Variants in OSBPL6 observed in about 807,000 individuals in gnomAD.
The protein encoded by OSBPL6 is oxysterol-binding protein-related protein 6.
A neutral mutation model predicts 125.8 loss-of-function variants in OSBPL6; 49 were observed. That is an observed-to-expected ratio of 0.39 (90% CI 0.31 to 0.49). The LOEUF is 0.49. Ranked by LOEUF, OSBPL6 falls within the 20% of genes least tolerant of loss-of-function variation. The probability of loss-of-function intolerance (pLI) is 0.88; values close to 1 mark genes in which losing one functional copy is unlikely to be tolerated. For synonymous variants in OSBPL6, 394 were observed against 391.8 expected, an observed-to-expected ratio of 1.01 and a Z score of -0.07; for missense variants, 986 against 1,135.4, an observed-to-expected ratio of 0.87 and a Z score of 1.89.
intron 2 of OSBPL6, among the ~76,000 whole-genome samples, chr2:178,301,790 C>T (rs1326325285): frequency 6.6e-6 from 1 of 152,132 alleles, no homozygotes; most frequent in African/African-American, 2.4e-5. Context: ...TGCAATGGCT[C>T]TTTGCCCTGC....
chr2:178,337,726 C>T (rs1478305671), intron 9 of OSBPL6, among the ~76,000 whole-genome samples: 1 of 152,128 alleles, frequency 6.6e-6, no homozygotes, highest in Non-Finnish European at 1.5e-5. Context: ...GTTTTGAGTC[C>T]TTGGCCTTAA....
chr2:178,302,500 G>A (rs1240110687), intron 2 of OSBPL6, among the ~76,000 whole-genome samples: 1 of 152,034 alleles, frequency 6.6e-6, no homozygotes, highest in Non-Finnish European at 1.5e-5. Context: ...AAAAGAGCAG[G>A]TGGTCAAACA....
rs750828819 is a variant in OSBPL6 at position 178,395,439 on chromosome 2, A to T, written c.2697-12A>T. The T allele has an allele frequency of 1.3e-6, 2 of 1,592,508 alleles. No individual in the cohort carries two copies. Among genetic ancestry groups the T allele is most frequent in the Non-Finnish European group, 1.7e-6 (2 of 1,160,988 alleles). ...TGATTCATGACTAATGTTGATGTTT[A>T]TATTTTCACAGAAAAGTTATTGATG... On this transcript the variant is annotated splice_polypyrimidine_tract_variant and intron_variant, in intron 24 of 24. Transcript: ENST00000190611.
chr2:178,266,157 G>C (rs1007469856), intron 1 of OSBPL6, among the ~76,000 whole-genome samples: 4 of 152,186 alleles, frequency 2.6e-5, no homozygotes, highest in Non-Finnish European at 4.4e-5. Context: ...GGCAAGGAAG[G>C]AAGCAGGGGC....
chr2:178,239,862 C>T lies in OSBPL6; in HGVS notation c.-350-45065C>T, dbSNP rs563190363. ...CAGGATGGTCTCGATTTCCTGACCT[C>T]GTGATCCACCCGCCTCGGCCTCTGA... is the stretch of plus-strand genomic sequence containing the variant. On this transcript the variant is annotated intron_variant, in intron 1 of 24. Coordinates refer to ENST00000190611, the MANE Select transcript of OSBPL6 (RefSeq NM_032523.4). 1.2e-3 allele frequency among the ~76,000 whole-genome samples: 176 copies of T among 151,778 alleles called. 1 individual carries two copies. The highest frequency in any genetic ancestry group is 4.2e-3 in the African/African-American group (175 of 41,396).
chr2:178,284,899 C>T, intron 1 of OSBPL6, 28 bp from the exon 2 acceptor site: 1 of 396,652 alleles, frequency 2.5e-6, no homozygotes. Flanking sequence ...TAAAGATGTA[C>T]TATATGACTG....
intron 2 of OSBPL6, among the ~76,000 whole-genome samples, chr2:178,302,403 ATGACT>A (rs1332824690): frequency 1.3e-5 from 2 of 152,142 alleles, no homozygotes; most frequent in Non-Finnish European, 2.9e-5. Flanking sequence ...TTTCGTAGAG[ATGACT>A]TTTTTTTATG....
At chr2:178,278,114 C>G (rs1415735212) in intron 1 of OSBPL6, among the ~76,000 whole-genome samples, 2 of 152,150 alleles carry the variant, frequency 1.3e-5, no homozygotes, top group African/African-American at 4.8e-5. Context: ...TTTGAAATGT[C>G]CTTTATTCAT....
In OSBPL6 at chr2:178,343,520, AAG is replaced by A. The variant is rs1226447822; in HGVS notation, c.987+3758_987+3759del. ...CACCAAGAAGAAGAAAACAAAATGAAAGAAAGCTGTAGGATTCTTCTACCGGT... is the reference window on the plus strand; with the variant it reads ...CACCAAGAAGAAGAAAACAAAATGAAAAAGCTGTAGGATTCTTCTACCGGT... On this transcript the variant is annotated intron_variant, in intron 11 of 24. Transcript: ENST00000190611. 2.0e-5 allele frequency among the ~76,000 whole-genome samples: 3 copies of A among 152,302 alleles called. No homozygotes were observed. In the East Asian group the frequency reaches 5.8e-4, roughly 29 times the overall value.
chr2:178,298,415 A>G (rs1281379294), intron 2 of OSBPL6, among the ~76,000 whole-genome samples: 2 of 152,098 alleles, frequency 1.3e-5, no homozygotes, highest in East Asian at 3.9e-4. Flanking sequence ...TCATATGGCA[A>G]TCTATTTTTA....
intron 1 of OSBPL6, among the ~76,000 whole-genome samples, chr2:178,269,997 G>A (rs2092339790): frequency 6.6e-6 from 1 of 152,170 alleles, no homozygotes; most frequent in South Asian, 2.1e-4. Flanking sequence ...TGTCAGGCAG[G>A]GCGGACGATA....
intron 9 of OSBPL6, among the ~76,000 whole-genome samples, chr2:178,337,940 C>T (rs1232673990): frequency 1.6e-5 from 2 of 124,522 alleles, no homozygotes; most frequent in Non-Finnish European, 3.4e-5. Flanking sequence ...AAAAGTAACT[C>T]AGTATTCTCT....
chr2:178,309,863 A>G (rs1366035455), intron 3 of OSBPL6, among the ~76,000 whole-genome samples: 2 of 152,342 alleles, frequency 1.3e-5, no homozygotes, highest in East Asian at 3.9e-4. Flanking sequence ...ATAAACCAGC[A>G]TTCCCCAAAG....
rs535003624 is a variant in OSBPL6, at chr2:178,213,350, G to A, written c.-351+18676G>A. Among the ~76,000 whole-genome samples, 41 of 152,020 alleles carry A rather than the reference G, an allele frequency of 2.7e-4. 1 individual carries two copies. The East Asian group carries it at 5.8e-3, about 22-fold the overall frequency. ...GTTATCTTACAGGAATTACAAACTT[G>A]TGCATGCCCAAAACAGAACCATAGA... On this transcript the variant is annotated intron_variant, in intron 1 of 24. Coordinates refer to ENST00000190611, the MANE Select transcript of OSBPL6 (RefSeq NM_032523.4).
At chr2:178,290,312 A>G (rs1192619311) in intron 2 of OSBPL6, among the ~76,000 whole-genome samples, 1 of 152,136 alleles carries the variant, frequency 6.6e-6, no homozygotes, top group African/African-American at 2.4e-5. Context: ...AGTTTCTTCA[A>G]AAGGTGATAT....
intron 9 of OSBPL6, among the ~76,000 whole-genome samples, chr2:178,336,762 A>T (rs1689724584): frequency 6.6e-6 from 1 of 152,072 alleles, no homozygotes. Flanking sequence ...ATCCTGGGGC[A>T]GTCACACAGA....
intron 1 of OSBPL6, among the ~76,000 whole-genome samples, chr2:178,256,247 G>A (rs950904688): frequency 2.6e-5 from 4 of 152,226 alleles, no homozygotes; most frequent in Non-Finnish European, 4.4e-5. Flanking sequence ...ATGTTAGACT[G>A]TAAGGAGGAA....
chr2:178,295,005 T>C (rs1374468593), intron 2 of OSBPL6, among the ~76,000 whole-genome samples: 1 of 152,108 alleles, frequency 6.6e-6, no homozygotes. Context: ...AGGTGGATCT[T>C]AGCAATTCTT....
intron 22 of OSBPL6, among the ~76,000 whole-genome samples, chr2:178,392,068 G>A (rs1695453672): frequency 3.3e-5 from 5 of 152,166 alleles, no homozygotes; most frequent in Admixed American, 3.3e-4. Flanking sequence ...AGTGTTTCTG[G>A]TGTACTCTTA....
Sources: allele counts gnomAD v4.1 joint callset (sites outside exome capture counted in the v4.1 genomes callset), GRCh38; gene constraint gnomAD v4.1.1; transcripts MANE v1.5; gene names NCBI Gene and HGNC (gene_info 2026-07-23, HGNC 2026-07-21).